Variants in TENM3 observed in about 807,000 individuals in gnomAD.
TENM3 encodes teneurin transmembrane protein 3.
Under a neutral mutation model 255.1 loss-of-function variants are expected in TENM3, and 63 were observed. That is an observed-to-expected ratio of 0.25 (90% CI 0.20 to 0.30). The LOEUF (loss-of-function observed/expected upper bound fraction) is 0.30. Among genes scored for constraint, TENM3 ranks in the 10% least tolerant of loss-of-function variants. The pLI is 1.00. For missense variants in TENM3, 2,929 were observed against 3,461.1 expected (o/e 0.85, Z 3.86); for synonymous variants, 1,306 against 1,322.3 (o/e 0.99, Z 0.27).
chr4:182,473,622 G>A (rs966413735), intron 3 of TENM3, among the ~76,000 whole-genome samples: 17 of 152,082 alleles, frequency 1.1e-4, no homozygotes, highest in African/African-American at 3.6e-4. Context: ...GCAGTGAGCC[G>A]AGATCGCGCC....
chr4:182,619,281 A>AT (rs1749865886), intron 4 of TENM3, among the ~76,000 whole-genome samples: 1 of 152,078 alleles, frequency 6.6e-6, no homozygotes, highest in Admixed American at 6.5e-5. Context: ...ATTAAAAAAA[A>AT]TTAGCTGGGC....
the TENM3 span, among the ~76,000 whole-genome samples, chr4:182,038,934 T>C: frequency 3.3e-5 from 5 of 152,112 alleles, no homozygotes; most frequent in African/African-American, 7.2e-5. Context: ...GGTTTCTCCA[T>C]GTTGGCCAGG....
chr4:181,733,666 T>C, the TENM3 span, among the ~76,000 whole-genome samples: 1 of 152,132 alleles, frequency 6.6e-6, no homozygotes, highest in Admixed American at 6.6e-5. Flanking sequence ...TATCCAAGTA[T>C]CTCATGGGGC....
chr4:182,443,276 G>A (rs1457611522), intron 3 of TENM3, among the ~76,000 whole-genome samples: 2 of 152,072 alleles, frequency 1.3e-5, no homozygotes, highest in African/African-American at 2.4e-5. Context: ...CCATCCCTGG[G>A]TGGGCCTAGG....
the TENM3 span, among the ~76,000 whole-genome samples, chr4:181,859,411 A>C: frequency 6.6e-6 from 1 of 152,138 alleles, no homozygotes; most frequent in Admixed American, 6.6e-5. Context: ...CTTGAGTAAT[A>C]GTGGCAAGCT....
chr4:182,244,242 C>T lies in TENM3; in HGVS notation c.-76+766C>T, dbSNP rs376285510. On this transcript the variant is annotated intron_variant, in intron 1 of 27. Coordinates refer to ENST00000511685, the MANE Select transcript of TENM3 (RefSeq NM_001080477.4). The stretch of plus-strand genomic sequence containing the variant: ...TGCTGGGATTACAGGCGTGAGCCAC[C>T]GCGCCCGGCCTCATTTGTGTTTTCT... Among the ~76,000 whole-genome samples, 8 of 152,136 alleles carry T rather than the reference C, an allele frequency of 5.3e-5. No homozygotes were observed. The East Asian group carries it at 1.2e-3, about 22-fold the overall frequency.
At chr4:182,686,144 C>T (rs1300867061) in intron 11 of TENM3, among the ~76,000 whole-genome samples, 1 of 151,888 alleles carries the variant, frequency 6.6e-6, no homozygotes, top group Non-Finnish European at 1.5e-5. Context: ...AAAAAAGAAA[C>T]TTCACATATA....
the TENM3 span, among the ~76,000 whole-genome samples, chr4:181,883,733 C>T: frequency 0.96 from 146,441 of 152,224 alleles, 70,689 homozygotes; most frequent in East Asian, 1. Context: ...CGCCTCAGCC[C>T]CCCAAAGTGC....
At chr4:182,252,430 A>G (rs987892455) in intron 1 of TENM3, among the ~76,000 whole-genome samples, 3 of 152,240 alleles carry the variant, frequency 2.0e-5, no homozygotes, top group South Asian at 2.1e-4. Context: ...GATGTGATTT[A>G]GTGTGCAGTT....
intron 22 of TENM3, among the ~76,000 whole-genome samples, chr4:182,771,693 G>A (rs903018527): frequency 6.6e-6 from 1 of 152,180 alleles, no homozygotes; most frequent in African/African-American, 2.4e-5. Flanking sequence ...TGCGCTGCTT[G>A]TTCTTAAATA....
At chr4:182,650,592 C>T (rs1268207794) in intron 5 of TENM3, among the ~76,000 whole-genome samples, 1 of 149,558 alleles carries the variant, frequency 6.7e-6, no homozygotes. Context: ...TGCCTCTCTC[C>T]TTTCTCTCCT....
the TENM3 span, among the ~76,000 whole-genome samples, chr4:181,757,812 C>A: frequency 6.6e-6 from 1 of 152,152 alleles, no homozygotes; most frequent in Non-Finnish European, 1.5e-5. Flanking sequence ...CAAACACAAT[C>A]ATTCCACTTT....
the TENM3 span, among the ~76,000 whole-genome samples, chr4:181,940,265 TA>T: frequency 2.6e-5 from 4 of 152,230 alleles, no homozygotes; most frequent in Non-Finnish European, 5.9e-5. Context: ...AACATTAAAA[TA>T]TTTTTTTACT....
At chr4:181,721,529 G>A in the TENM3 span, among the ~76,000 whole-genome samples, 2 of 76,888 alleles carry the variant, frequency 2.6e-5, no homozygotes, top group Non-Finnish European at 5.6e-5. Context: ...GAACCCGGGA[G>A]GCGGAGCTTG....
At chr4:182,301,582 A>T (rs1019425687) in intron 1 of TENM3, among the ~76,000 whole-genome samples, 1 of 152,232 alleles carries the variant, frequency 6.6e-6, no homozygotes, top group Admixed American at 6.5e-5. Flanking sequence ...CACATTTAAG[A>T]GCATCTTGAA....
chr4:182,007,749 A>C, the TENM3 span, among the ~76,000 whole-genome samples: 3 of 152,088 alleles, frequency 2.0e-5, no homozygotes, highest in Non-Finnish European at 4.4e-5. Flanking sequence ...GTTATTTGTG[A>C]ATTTGATCCT....
the TENM3 span, among the ~76,000 whole-genome samples, chr4:181,880,682 A>T: frequency 6.6e-6 from 1 of 152,324 alleles, no homozygotes; most frequent in Non-Finnish European, 1.5e-5. Context: ...TGCTAAAAAA[A>T]ATTATTTGGT....
intron 24 of TENM3, among the ~76,000 whole-genome samples, chr4:182,779,457 G>A (rs1462487544): frequency 3.3e-5 from 5 of 151,994 alleles, no homozygotes; most frequent in African/African-American, 7.2e-5. Flanking sequence ...CCAGTCTATC[G>A]TTGTTGGACA....
chr4:182,429,322 A>C (rs1255246138), intron 3 of TENM3, among the ~76,000 whole-genome samples: 1 of 152,222 alleles, frequency 6.6e-6, no homozygotes, highest in Non-Finnish European at 1.5e-5. Context: ...ATTTGTATCC[A>C]TCAAAACTGC....
Sources: gnomAD v4.1 joint callset for allele counts (sites outside exome capture counted in the v4.1 genomes callset) on GRCh38, gnomAD v4.1.1 for gene constraint, MANE v1.5 for transcripts, NCBI Gene and HGNC (gene_info 2026-07-23, HGNC 2026-07-21) for gene names.